Variants in TRAF1 observed in about 807,000 individuals in gnomAD.
TRAF1 encodes the protein TNF receptor associated factor 1.
In TRAF1, 23 loss-of-function variants were observed where a neutral mutation model predicts 40.9. That is an observed-to-expected ratio of 0.56 (90% CI 0.40 to 0.80). The LOEUF (loss-of-function observed/expected upper bound fraction) is 0.80. Among genes scored for constraint, TRAF1 ranks in the 30% least tolerant of loss-of-function variants. The pLI, the probability that TRAF1 is intolerant of heterozygous loss-of-function variation, is 0.00. For missense variants in TRAF1, 477 were observed against 528.7 expected, an observed-to-expected ratio of 0.90 and a Z score of 0.96; for synonymous variants, 206 against 218.8, an observed-to-expected ratio of 0.94 and a Z score of 0.52.
At chr9:120,911,551 C>A in intron 5 of TRAF1, 38 bp from the exon 6 acceptor site, 1 of 1,590,226 alleles carries the variant, frequency 6.3e-7, no homozygotes, top group Non-Finnish European at 8.6e-7. Context: ...CACCAGAACC[C>A]GGCTTGGGGA....
Position 120,904,914 on chromosome 9 carries a change from T to G in TRAF1, c.*106A>C. ...CAGTCTTGCTTGGATCATGCCAGCC[T>G]TCACCCATCTTTGTGCCCTGAGGTC... On this transcript the variant is annotated 3_prime_UTR_variant, in exon 8 of 8. Transcript: ENST00000373887. 8.5e-7 allele frequency: 1 copy of G among 1,172,804 alleles called. No individual in the cohort carries two copies. Among genetic ancestry groups the G allele is most frequent in the Non-Finnish European group, 1.2e-6 (1 of 825,876 alleles). 72.6% of individuals were successfully genotyped at this position (1,172,804 alleles called of 1,614,324 possible). A position where few individuals can be genotyped will look rare whatever the true frequency, so the allele number is the denominator to read the frequency against.
At chr9:120,905,700 T>C (rs1226154683) in intron 7 of TRAF1, among the ~76,000 whole-genome samples, 1 of 152,224 alleles carries the variant, frequency 6.6e-6, no homozygotes, top group Non-Finnish European at 1.5e-5. Flanking sequence ...GGTCTTCTAC[T>C]GAGGGGCTGT....
chr9:120,911,423 C>T lies in TRAF1; in HGVS notation c.796G>A (p.Asp266Asn), dbSNP rs1179938549. ...GTGATCTTCCACAGGAAAGTGCCAT[C>T]GAAGGAGGCCTCCTCCATGAGGCGC... ...SLRLMEEASFDGTFLWKITNV... is the reference protein window; with the variant it reads ...SLRLMEEASFNGTFLWKITNV... The change falls in exon 6 of 8, where the codon GAT becomes AAT. Residue 266 changes from aspartate to asparagine, a missense_variant. Physicochemically the swap from Asp to Asn is conservative, Grantham distance 23. Coordinates refer to ENST00000373887, the MANE Select transcript of TRAF1 (RefSeq NM_005658.5). 10 of 1,613,518 alleles carry T rather than the reference C, an allele frequency of 6.2e-6. No individual in the cohort carries two copies. Among genetic ancestry groups the T allele is most frequent in the South Asian group, 2.2e-5 (2 of 91,090 alleles).
chr9:120,924,896 A>G (rs2131635917), intron 2 of TRAF1, among the ~76,000 whole-genome samples: 1 of 152,306 alleles, frequency 6.6e-6, no homozygotes, highest in African/African-American at 2.4e-5. Flanking sequence ...CAGCCCTCCA[A>G]CTTCCAATCA....
intron 3 of TRAF1, among the ~76,000 whole-genome samples, chr9:120,923,211 T>C (rs2046616133): frequency 6.6e-6 from 1 of 152,198 alleles, no homozygotes; most frequent in Admixed American, 6.5e-5. Flanking sequence ...TATAAGAACT[T>C]TTTTGATTAT....
intron 6 of TRAF1, 59 bp downstream of exon 6, chr9:120,911,277 C>G: frequency 6.4e-7 from 1 of 1,566,276 alleles, no homozygotes; most frequent in Non-Finnish European, 8.7e-7. Context: ...CTGCTTGCTT[C>G]CTGGGTCCTG....
intron 6 of TRAF1, among the ~76,000 whole-genome samples, chr9:120,910,334 G>C (rs781765963): frequency 3.3e-5 from 5 of 152,204 alleles, no homozygotes; most frequent in Non-Finnish European, 7.3e-5. Flanking sequence ...ACAGTGGGAT[G>C]AGCGCTACTC....
chr9:120,902,648 C>G lies in TRAF1; in HGVS notation c.*2372G>C, dbSNP rs1588145652. The G allele has an allele frequency of 6.7e-6, 1 of 149,330 alleles. No individual in the cohort carries two copies. The highest frequency in any genetic ancestry group is 1.5e-5 in the Non-Finnish European group (1 of 68,044). The allele number at this position is 149,330 out of a possible 1,614,324, so 9.3% of individuals were successfully genotyped here. ...ACAGCTCTCCGTTTTCAAGTCGGTA[C>G]TCTTCCCTTTTCCCCATCCTCTGCA... On this transcript the variant is annotated 3_prime_UTR_variant, in exon 8 of 8. Transcript: ENST00000373887.
chr9:120,905,858 C>T (rs1320254625), intron 7 of TRAF1, among the ~76,000 whole-genome samples: 1 of 152,236 alleles, frequency 6.6e-6, no homozygotes, highest in South Asian at 2.1e-4. Context: ...AATGGCTTCC[C>T]GTTGCCAACT....
rs1588150023 is a variant in TRAF1, at chr9:120,913,499, C to T, written c.534G>A (p.Leu178=). 6.2e-7 allele frequency: 1 copy of T among 1,614,052 alleles called. No individual in the cohort carries two copies. ...GAAGCTTCTCCTTCATGAAGTGCTG[C>T]AGGGCCAGCTCCTCCTGGCTCTCGG... The part of the protein sequence containing the change: ...PCSESQEELA[L]QHFMKEKLLA... The change falls in exon 5 of 8, where the codon CTG becomes CTA. Residue 178 remains leucine, a synonymous_variant. Coordinates refer to ENST00000373887, the MANE Select transcript of TRAF1 (RefSeq NM_005658.5).
At chr9:120,911,307 C>G in intron 6 of TRAF1, 29 bp downstream of exon 6, 8 of 1,604,358 alleles carry the variant, frequency 5.0e-6, no homozygotes, top group African/African-American at 1.3e-5. Flanking sequence ...TTTCCCCAGG[C>G]AGGTCTCTGT....
At position 120,902,739 on chromosome 9, in the gene TRAF1, G is replaced by A. The variant is rs1302427193; in HGVS notation, c.*2281C>T. The A allele has an allele frequency of 6.6e-6, 1 of 152,202 alleles. No homozygotes were observed. The highest frequency in any genetic ancestry group is 1.5e-5 in the Non-Finnish European group (1 of 68,054). 9.4% of individuals were successfully genotyped at this position (152,202 alleles called of 1,614,324 possible). On this transcript the variant is annotated 3_prime_UTR_variant, in exon 8 of 8. Transcript: ENST00000373887. ...TTCCCTCCTTCACCAGCTGGATCTG[G>A]GATTCTGTGCTTTCTCTAAGCTTCT... is the stretch of plus-strand genomic sequence containing the variant.
At chr9:120,918,290 C>A (rs1406051966) in intron 3 of TRAF1, among the ~76,000 whole-genome samples, 1 of 151,946 alleles carries the variant, frequency 6.6e-6, no homozygotes, top group African/African-American at 2.4e-5. Flanking sequence ...ATTATTCTGC[C>A]TAACACAGTG....
At chr9:120,915,222 C>T (rs1261594884) in intron 3 of TRAF1, among the ~76,000 whole-genome samples, 2 of 152,172 alleles carry the variant, frequency 1.3e-5, no homozygotes, top group Non-Finnish European at 1.5e-5. Flanking sequence ...TGTATTTACA[C>T]AAACCTGGAT....
At position 120,905,233 on chromosome 9, in the gene TRAF1, G is replaced by A. The variant is rs376450570; in HGVS notation, c.1038C>T (p.Thr346=). The A allele has an allele frequency of 1.4e-4, 220 of 1,608,536 alleles. No homozygotes were observed. Among genetic ancestry groups the A allele is most frequent in the Non-Finnish European group, 1.8e-4 (211 of 1,177,452 alleles). Residue 346 remains threonine (T), a synonymous_variant, in exon 8 of 8, where the codon ACC becomes ACT. Coordinates refer to ENST00000373887, the MANE Select transcript of TRAF1 (RefSeq NM_005658.5). ...LLPWPFRNKV[T]FMLLDQNNRE... Reference sequence around the variant, plus strand: ...GGTTGTTCTGGTCCAGCAGCATGAAGGTGACCTGCAGGGAAGGGATAGGTG... The same window carrying A: ...GGTTGTTCTGGTCCAGCAGCATGAAAGTGACCTGCAGGGAAGGGATAGGTG...
chr9:120,926,057 T>G lies in TRAF1; in HGVS notation c.19A>C (p.Ser7Arg). 1 of 1,598,484 alleles carries G rather than the reference T, an allele frequency of 6.3e-7. No homozygotes were observed. The highest frequency in any genetic ancestry group is 1.3e-5 in the African/African-American group (1 of 74,512). ...TCATCAGGGGCCGGGCGAGGACTGCTGCCTGAGCTGGAGGCCATCTCAGGG... is the reference window on the plus strand; with the variant it reads ...TCATCAGGGGCCGGGCGAGGACTGCGGCCTGAGCTGGAGGCCATCTCAGGG... MASSSG[S>R]SPRPAPDENE... Residue 7 changes from serine to arginine, a missense_variant, in exon 2 of 8, where the codon AGC (serine) becomes CGC (arginine). Coordinates refer to ENST00000373887, the MANE Select transcript of TRAF1 (RefSeq NM_005658.5).
chr9:120,907,134 T>C (rs577288132), intron 7 of TRAF1, among the ~76,000 whole-genome samples: 1 of 152,362 alleles, frequency 6.6e-6, no homozygotes, highest in South Asian at 2.1e-4. Context: ...AGTGCTGATA[T>C]TACAGGCGAG....
At chr9:120,909,491 G>A (rs2046509951) in intron 6 of TRAF1, 113 bp from the exon 7 acceptor site, 1 of 1,271,222 alleles carries the variant, frequency 7.9e-7, no homozygotes, top group East Asian at 2.4e-5. Flanking sequence ...TGAAAGATGG[G>A]GTTAGAACCC....
intron 6 of TRAF1, 104 bp downstream of exon 6, chr9:120,911,232 A>G (rs1000080761): frequency 2.2e-6 from 3 of 1,353,228 alleles, no homozygotes; most frequent in Non-Finnish European, 3.0e-6. Flanking sequence ...CCTAAACTGG[A>G]CACAGCGTGT....
Sources: allele counts gnomAD v4.1 joint callset (sites outside exome capture counted in the v4.1 genomes callset), GRCh38; gene constraint gnomAD v4.1.1; transcripts MANE v1.5; gene names NCBI Gene and HGNC (gene_info 2026-07-23, HGNC 2026-07-21).